PPP6R3: variants seen among roughly 807,000 people sequenced by gnomAD.
PPP6R3 encodes serine/threonine-protein phosphatase 6 regulatory subunit 3.
Under a neutral mutation model 110.7 loss-of-function variants are expected in PPP6R3, and 38 were observed. The observed-to-expected ratio is 0.34, with a 90% CI of 0.26 to 0.45. PPP6R3 has a LOEUF of 0.45. PPP6R3 is among the 20% of genes least tolerant of loss of function. PPP6R3 has a pLI of 1.00. For missense variants in PPP6R3, 870 were observed against 1,062.4 expected, an observed-to-expected ratio of 0.82 and a Z score of 2.52; for synonymous variants, 369 against 373.5, an observed-to-expected ratio of 0.99 and a Z score of 0.14.
chr11:68,609,853 A>G, intron 22 of PPP6R3, 51 bp from the exon 23 acceptor site: 1 of 1,609,378 alleles, frequency 6.2e-7, no homozygotes, highest in African/African-American at 1.3e-5. Flanking sequence ...TCTGGTGCCT[A>G]GGTGCTGGTC....
At chr11:68,571,771 T>TTAA (rs2099508532) in intron 12 of PPP6R3, among the ~76,000 whole-genome samples, 1 of 152,180 alleles carries the variant, frequency 6.6e-6, no homozygotes, top group Non-Finnish European at 1.5e-5. Flanking sequence ...TGTGTTTGTT[T>TTAA]TTAAGACAGG....
At chr11:68,490,033 A>AT (rs993102796) in intron 1 of PPP6R3, among the ~76,000 whole-genome samples, 34 of 151,916 alleles carry the variant, frequency 2.2e-4, no homozygotes, top group African/African-American at 7.7e-4. Flanking sequence ...AGAAAAATCA[A>AT]TTTTTTTTGA....
chr11:68,570,003 A>G, intron 11 of PPP6R3, 106 bp downstream of exon 11: 1 of 1,053,534 alleles, frequency 9.5e-7, no homozygotes, highest in Non-Finnish European at 1.3e-6. Flanking sequence ...GTTAGATTTC[A>G]GAGTCTAAAT....
intron 1 of PPP6R3, among the ~76,000 whole-genome samples, chr11:68,475,005 T>A (rs536549958): frequency 6.6e-6 from 1 of 151,974 alleles, no homozygotes; most frequent in Non-Finnish European, 1.5e-5. Context: ...GGAGGGAAGG[T>A]CAACATACAA....
At chr11:68,492,101 C>T (rs1358663111) in intron 1 of PPP6R3, among the ~76,000 whole-genome samples, 1 of 152,226 alleles carries the variant, frequency 6.6e-6, no homozygotes, top group East Asian at 1.9e-4. Flanking sequence ...TCACTGGCTT[C>T]AAGCACAGTG....
rs1047178902 is a variant in PPP6R3, at chr11:68,571,223, A to G, written c.1343+119A>G. On this transcript the variant is annotated intron_variant, in intron 12 of 23. Transcript: ENST00000393800. ...ATTACATGATACTGGCCATTTTACAATTTAAACTTTTCCCCAGATTATTTC... is the reference window on the plus strand; with the variant it reads ...ATTACATGATACTGGCCATTTTACAGTTTAAACTTTTCCCCAGATTATTTC... The G allele has an allele frequency of 1.4e-5, 18 of 1,291,762 alleles. No homozygotes were observed. The South Asian group carries it at 3.0e-4, about 22-fold the overall frequency. 80.0% of individuals were successfully genotyped at this position (1,291,762 alleles called of 1,614,324 possible). A position where few individuals can be genotyped will look rare whatever the true frequency, so the allele number is the denominator to read the frequency against.
rs185928239 is a variant in PPP6R3 at position 68,576,778 on chromosome 11, G to A, written c.1545+735G>A. Among the ~76,000 whole-genome samples, 25 of 152,236 alleles carry A rather than the reference G, an allele frequency of 1.6e-4. No individual in the cohort carries two copies. In the East Asian group the frequency reaches 2.3e-3, roughly 14 times the overall value. On this transcript the variant is annotated intron_variant, in intron 14 of 23. Coordinates refer to ENST00000393800, the MANE Select transcript of PPP6R3 (RefSeq NM_001164161.2). ...CGACATTGAAGTGTTTATGTTTGGC[G>A]TTTAATTCTATATTTCAAATTTGGC...
At chr11:68,581,931 C>A (rs2099556190) in intron 14 of PPP6R3, among the ~76,000 whole-genome samples, 1 of 152,166 alleles carries the variant, frequency 6.6e-6, no homozygotes, top group African/African-American at 2.4e-5. Context: ...GGTGTCTTTA[C>A]CAAAGATGGT....
intron 3 of PPP6R3, among the ~76,000 whole-genome samples, chr11:68,544,417 G>A (rs2099338100): frequency 6.6e-6 from 1 of 152,212 alleles, no homozygotes; most frequent in Non-Finnish European, 1.5e-5. Context: ...GGTGCTGCAT[G>A]CAGTGCAGTT....
chr11:68,497,958 G>T (rs542597727), intron 1 of PPP6R3, among the ~76,000 whole-genome samples: 20 of 152,184 alleles, frequency 1.3e-4, no homozygotes, highest in Admixed American at 9.8e-4. Context: ...TTTATTGTTG[G>T]ATATTTAGGA....
chr11:68,614,809 A>C lies in PPP6R3; in HGVS notation c.*1692A>C. On this transcript the variant is annotated 3_prime_UTR_variant, in exon 24 of 24. Transcript: ENST00000393800. The stretch of plus-strand genomic sequence containing the variant: ...TCTGGAAGCAGCACCCCCAGAGGAC[A>C]GGGCTCCTCCTGCTTGCCTCAGGGC... The C allele has an allele frequency of 6.8e-7, 1 of 1,473,608 alleles. No individual in the cohort carries two copies. Among genetic ancestry groups the C allele is most frequent in the Non-Finnish European group, 9.3e-7 (1 of 1,080,042 alleles). The allele number at this position is 1,473,608 out of a possible 1,614,324, so 91.3% of individuals were successfully genotyped here.
At chr11:68,520,970 C>G (rs1592455610) in intron 2 of PPP6R3, among the ~76,000 whole-genome samples, 1 of 152,148 alleles carries the variant, frequency 6.6e-6, no homozygotes, top group African/African-American at 2.4e-5. Context: ...CGGTGTCTCA[C>G]TATGTCGGCC....
intron 1 of PPP6R3, among the ~76,000 whole-genome samples, chr11:68,491,606 T>G (rs1419594463): frequency 6.6e-6 from 1 of 152,030 alleles, no homozygotes; most frequent in Non-Finnish European, 1.5e-5. Context: ...TACTTCAGCC[T>G]CCTAAAGTGT....
At chr11:68,593,824 G>C (rs2099603009) in intron 18 of PPP6R3, among the ~76,000 whole-genome samples, 1 of 152,168 alleles carries the variant, frequency 6.6e-6, no homozygotes. Context: ...TTTGAGACCA[G>C]CCTAGGCAAC....
intron 11 of PPP6R3, among the ~76,000 whole-genome samples, chr11:68,570,403 T>C (rs570500957): frequency 6.6e-6 from 1 of 152,324 alleles, no homozygotes; most frequent in Admixed American, 6.5e-5. Context: ...TATGGTACTT[T>C]TAAAATTTCT....
chr11:68,464,579 C>T (rs189841688), intron 1 of PPP6R3, among the ~76,000 whole-genome samples: 1 of 152,292 alleles, frequency 6.6e-6, no homozygotes, highest in Admixed American at 6.5e-5. Flanking sequence ...GTACCTAGAT[C>T]CTGCCTTGGA....
At chr11:68,487,617 A>G (rs757433156) in intron 1 of PPP6R3, among the ~76,000 whole-genome samples, 4 of 151,912 alleles carry the variant, frequency 2.6e-5, no homozygotes, top group African/African-American at 4.8e-5. Flanking sequence ...AATACTTTCA[A>G]CTTTCTCTTG....
chr11:68,482,269 C>A (rs1304447683), intron 1 of PPP6R3, among the ~76,000 whole-genome samples: 2 of 150,140 alleles, frequency 1.3e-5, no homozygotes, highest in Non-Finnish European at 1.5e-5. Flanking sequence ...CAAAAATTAG[C>A]TGAACGTGGT....
At position 68,614,319 on chromosome 11, in the gene PPP6R3, C is replaced by A. The variant is rs886928897; in HGVS notation, c.*1202C>A. On this transcript the variant is annotated 3_prime_UTR_variant, in exon 24 of 24. Coordinates refer to ENST00000393800, the MANE Select transcript of PPP6R3 (RefSeq NM_001164161.2). The stretch of plus-strand genomic sequence containing the variant: ...ATGTCAATACAAAAATACATCACAG[C>A]CTTCTCAAACAGCTCAAGCAATATA... The A allele has an allele frequency of 3.7e-6, 4 of 1,067,414 alleles. No homozygotes were observed. Among genetic ancestry groups the A allele is most frequent in the Non-Finnish European group, 4.5e-6 (4 of 882,064 alleles). The allele number at this position is 1,067,414 out of a possible 1,614,324, so 66.1% of individuals were successfully genotyped here.
Sources: gnomAD v4.1 joint callset for allele counts (sites outside exome capture counted in the v4.1 genomes callset) on GRCh38, gnomAD v4.1.1 for gene constraint, MANE v1.5 for transcripts, NCBI Gene and HGNC (gene_info 2026-07-23, HGNC 2026-07-21) for gene names.